PCNX2: variants seen among roughly 807,000 people sequenced by gnomAD.
PCNX2 encodes pecanex-like protein 2.
A neutral mutation model predicts 223.8 loss-of-function variants in PCNX2; 168 were observed. The ratio of observed to expected loss-of-function variants is 0.75; its 90% CI spans 0.66 to 0.85. The LOEUF is 0.85. Among genes scored for constraint, PCNX2 ranks in the 40% least tolerant of loss-of-function variants. The pLI, the probability that PCNX2 is intolerant of heterozygous loss-of-function variation, is 0.00. For missense variants in PCNX2, 2,507 were observed against 2,675.5 expected, an observed-to-expected ratio of 0.94 and a Z score of 1.39; for synonymous variants, 1,006 against 1,052.6, an observed-to-expected ratio of 0.96 and a Z score of 0.86.
intron 17 of PCNX2, among the ~76,000 whole-genome samples, chr1:233,170,662 T>C (rs1325806505): frequency 6.6e-6 from 1 of 152,246 alleles, no homozygotes; most frequent in African/African-American, 2.4e-5. Context: ...GTTTCCATTA[T>C]TATGACTCTA....
At chr1:233,226,126 T>C (rs904923245) in intron 10 of PCNX2, among the ~76,000 whole-genome samples, 6 of 152,204 alleles carry the variant, frequency 3.9e-5, no homozygotes, top group Non-Finnish European at 5.9e-5. Context: ...GCATTAGTAA[T>C]AGCATCTGAA....
chr1:233,099,499 C>T (rs937243908), intron 21 of PCNX2, among the ~76,000 whole-genome samples: 2 of 152,188 alleles, frequency 1.3e-5, no homozygotes, highest in Non-Finnish European at 2.9e-5. Flanking sequence ...CTCAAAACGG[C>T]CGACTGCTGG....
At chr1:233,280,587 C>T (rs1401462694) in intron 1 of PCNX2, among the ~76,000 whole-genome samples, 4 of 152,136 alleles carry the variant, frequency 2.6e-5, no homozygotes, top group Admixed American at 1.3e-4. Context: ...CATGAGCCAC[C>T]GTGCCTGGTC....
chr1:233,237,093 C>G, intron 8 of PCNX2, 113 bp from the exon 9 acceptor site: 1 of 1,321,166 alleles, frequency 7.6e-7, no homozygotes, highest in East Asian at 2.4e-5. Context: ...GTGGATGAGA[C>G]TTTACAACCT....
intron 23 of PCNX2, among the ~76,000 whole-genome samples, chr1:233,066,094 T>C (rs2102893608): frequency 1.3e-5 from 2 of 152,260 alleles, no homozygotes. Context: ...GGGTAGGGGG[T>C]ACCCACTTAG....
At chr1:233,084,844 T>C (rs1221327595) in intron 23 of PCNX2, among the ~76,000 whole-genome samples, 1 of 152,176 alleles carries the variant, frequency 6.6e-6, no homozygotes, top group African/African-American at 2.4e-5. Flanking sequence ...CAAAGCACTA[T>C]TATACACTGC....
intron 25 of PCNX2, among the ~76,000 whole-genome samples, chr1:233,044,630 A>AAGAATAGAATAGAAT (rs1671762692): frequency 6.6e-6 from 1 of 152,158 alleles, no homozygotes; most frequent in African/African-American, 2.4e-5. Flanking sequence ...TATGAGCCAA[A>AAGAATAGAATAGAAT]AGAATAGAAT....
intron 21 of PCNX2, among the ~76,000 whole-genome samples, chr1:233,118,071 G>A (rs912894874): frequency 6.6e-6 from 1 of 151,610 alleles, no homozygotes; most frequent in African/African-American, 2.4e-5. Context: ...AGGGATGCAA[G>A]GTTGGTTTAA....
chr1:233,267,188 A>T (rs756270937), intron 1 of PCNX2, among the ~76,000 whole-genome samples: 1 of 152,102 alleles, frequency 6.6e-6, no homozygotes, highest in Admixed American at 6.5e-5. Context: ...GTGGTGGTGC[A>T]TGCTTGAAAT....
At position 233,258,660 on chromosome 1, in the gene PCNX2, G is replaced by A. The variant is rs368527496; in HGVS notation, c.1202C>T (p.Thr401Ile). The A allele has an allele frequency of 1.1e-5, 18 of 1,613,862 alleles. No individual in the cohort carries two copies. In the African/African-American group the frequency reaches 1.2e-4, roughly 11 times the overall value. Residue 401 changes from threonine to isoleucine, a missense_variant, in exon 5 of 34, where the codon ACA becomes ATA. Transcript: ENST00000258229. ...ESSLHLRVVG[T>I]EKTSVKSDAE... ...GTCAGACTTTACACTGGTCTTCTCT[G>A]TGCCAACCACCCTCAGGTGGAGGGA...
chr1:233,075,609 G>A (rs972070443), intron 23 of PCNX2, among the ~76,000 whole-genome samples: 1 of 151,610 alleles, frequency 6.6e-6, no homozygotes, highest in Non-Finnish European at 1.5e-5. Flanking sequence ...TTTGCAAAAT[G>A]TTATCCCTGG....
At chr1:233,222,831 G>C (rs1425887900) in intron 10 of PCNX2, among the ~76,000 whole-genome samples, 2 of 152,180 alleles carry the variant, frequency 1.3e-5, no homozygotes, top group Non-Finnish European at 2.9e-5. Context: ...AGCAGGCTTG[G>C]GTGAGGCTGA....
chr1:233,237,698 T>C (rs566710362), intron 8 of PCNX2, among the ~76,000 whole-genome samples: 11 of 152,342 alleles, frequency 7.2e-5, no homozygotes, highest in African/African-American at 2.6e-4. Flanking sequence ...CAATGTTGGC[T>C]GCCTACTCAA....
intron 21 of PCNX2, among the ~76,000 whole-genome samples, chr1:233,105,709 A>T (rs2102966945): frequency 6.6e-6 from 1 of 152,274 alleles, no homozygotes; most frequent in South Asian, 2.1e-4. Flanking sequence ...AATAAAGGAA[A>T]CGCAACAAGC....
At chr1:233,244,545 T>C (rs1237297360) in intron 8 of PCNX2, among the ~76,000 whole-genome samples, 3 of 152,004 alleles carry the variant, frequency 2.0e-5, no homozygotes, top group Non-Finnish European at 4.4e-5. Context: ...ACCCCGTCTC[T>C]AGCAAAAATA....
intron 28 of PCNX2, among the ~76,000 whole-genome samples, chr1:233,005,815 C>T (rs1377390527): frequency 6.6e-6 from 1 of 152,218 alleles, no homozygotes; most frequent in Non-Finnish European, 1.5e-5. Flanking sequence ...GGAGAAATGA[C>T]AGGCTCCCAC....
chr1:233,067,067 A>G (rs1203078417), intron 23 of PCNX2, among the ~76,000 whole-genome samples: 3 of 152,094 alleles, frequency 2.0e-5, no homozygotes, highest in Non-Finnish European at 2.9e-5. Context: ...TGAAAGTAAC[A>G]AAGCAGCAAC....
chr1:233,278,867 C>A (rs79244241), intron 1 of PCNX2, among the ~76,000 whole-genome samples: 1 of 152,210 alleles, frequency 6.6e-6, no homozygotes, highest in African/African-American at 2.4e-5. Context: ...TAGGATGCAC[C>A]CCACTCCTAA....
intron 21 of PCNX2, among the ~76,000 whole-genome samples, chr1:233,129,414 C>T (rs772801907): frequency 6.6e-6 from 1 of 152,220 alleles, no homozygotes; most frequent in Non-Finnish European, 1.5e-5. Context: ...CGGTGGGCTC[C>T]TGGCAGCCCA....
Sources: gnomAD v4.1 joint callset for allele counts (sites outside exome capture counted in the v4.1 genomes callset) on GRCh38, gnomAD v4.1.1 for gene constraint, MANE v1.5 for transcripts, NCBI Gene and HGNC (gene_info 2026-07-23, HGNC 2026-07-21) for gene names.